The following ARHGAP11A variants were observed in gnomAD, a reference collection of about 807,000 sequenced individuals.
ARHGAP11A encodes rho GTPase-activating protein 11A.
Under a neutral mutation model 60.5 loss-of-function variants are expected in ARHGAP11A, and 36 were observed. The observed-to-expected ratio is 0.59, with a 90% CI of 0.46 to 0.79. ARHGAP11A has a LOEUF of 0.79. ARHGAP11A is among the 30% of genes least tolerant of loss of function. ARHGAP11A has a pLI of 0.00. For synonymous variants in ARHGAP11A, 362 were observed against 415.5 expected (o/e 0.87, Z 1.57); for missense variants, 1,071 against 1,199.2 (o/e 0.89, Z 1.58).
Position 32,635,871 on chromosome 15 carries a change from G to A in ARHGAP11A, c.1439G>A (p.Gly480Asp), listed in dbSNP as rs759353935. 3 of 1,610,834 alleles carry A rather than the reference G, an allele frequency of 1.9e-6. No individual in the cohort carries two copies. The highest frequency in any genetic ancestry group is 3.4e-5 in the Admixed American group (2 of 59,168). The change falls in exon 11 of 12, where the codon GGT becomes GAT. Residue 480 changes from glycine to aspartate, a missense_variant. By Grantham distance (94) the Gly-to-Asp change is moderately conservative. Transcript: ENST00000361627. Reference protein sequence around the residue: ...LKNRIESVKTGLLFSPDVDEK... With the variant: ...LKNRIESVKTDLLFSPDVDEK... ...AATCGAATTGAATCTGTAAAAACAG[G>A]TTTGCTTTTTAGCCCAGATGTTGAT... is the stretch of plus-strand genomic sequence containing the variant.
intron 2 of ARHGAP11A, 25 bp downstream of exon 2, chr15:32,620,203 G>T: frequency 6.3e-7 from 1 of 1,596,290 alleles, no homozygotes; most frequent in Non-Finnish European, 8.5e-7. Context: ...AAATGAAGAA[G>T]GCCGGGTGCA....
chr15:32,635,870 G>A lies in ARHGAP11A; in HGVS notation c.1438G>A (p.Gly480Ser), dbSNP rs375068104. 1.9e-6 allele frequency: 3 copies of A among 1,610,788 alleles called. No homozygotes were observed. In the African/African-American group the frequency reaches 4.0e-5, roughly 22 times the overall value. Residue 480 changes from glycine (G) to serine (S), a missense_variant, in exon 11 of 12, where the codon GGT becomes AGT. This residue lies in a region of ARHGAP11A where 776 missense variants were observed against 760.2 expected (regional missense o/e 1.02). Transcript: ENST00000361627. ...AAATCGAATTGAATCTGTAAAAACA[G>A]GTTTGCTTTTTAGCCCAGATGTTGA... Reference protein sequence around the residue: ...LKNRIESVKTGLLFSPDVDEK... With the variant: ...LKNRIESVKTSLLFSPDVDEK...
In ARHGAP11A at chr15:32,636,766, G is replaced by A. The variant is rs1468824480; in HGVS notation, c.1993G>A (p.Gly665Ser). 3.1e-6 allele frequency: 5 copies of A among 1,611,766 alleles called. No homozygotes were observed. The African/African-American group carries it at 5.3e-5, about 17-fold the overall frequency. ...KEKYEHHTGK[G>S]EKCFSERDFS... ...GAAATATGAACACCACACTGGTAAAGGTGAAAAATGTTTTTCAGAGAGGGA... is the reference window on the plus strand; with the variant it reads ...GAAATATGAACACCACACTGGTAAAAGTGAAAAATGTTTTTCAGAGAGGGA... Residue 665 changes from glycine to serine, a missense_variant, in exon 12 of 12, where the codon GGT (glycine) becomes AGT (serine). Coordinates refer to ENST00000361627, the MANE Select transcript of ARHGAP11A (RefSeq NM_014783.6).
chr15:32,616,699 A>G (rs1360871143), intron 1 of ARHGAP11A, among the ~76,000 whole-genome samples: 25 of 152,246 alleles, frequency 1.6e-4, no homozygotes, highest in South Asian at 2.1e-4. Flanking sequence ...CAGTTGTGAC[A>G]ATTAAAAATG....
rs1185359414 is a variant in ARHGAP11A at position 32,636,557 on chromosome 15, CTT to C, written c.1786_1787del (p.Leu596GlyfsTer9). 10 of 1,614,046 alleles carry C rather than the reference CTT, an allele frequency of 6.2e-6. No homozygotes were observed. Among genetic ancestry groups the C allele is most frequent in the Non-Finnish European group, 8.5e-6 (10 of 1,179,960 alleles). ...GATGAAAATAACATGACCAAAGAGA[CTT>C]TGGTGAAAGTTCAAAAAGCGTTTTC... On this transcript the variant is annotated frameshift_variant, in exon 12 of 12. Coordinates refer to ENST00000361627, the MANE Select transcript of ARHGAP11A (RefSeq NM_014783.6). LOFTEE classifies it low-confidence loss of function (END_TRUNC).
chr15:32,616,685 C>T (rs149633807), intron 1 of ARHGAP11A, among the ~76,000 whole-genome samples: 3 of 152,258 alleles, frequency 2.0e-5, no homozygotes, highest in Non-Finnish European at 2.9e-5. Flanking sequence ...CTGGTAGCAT[C>T]TCTCAGTTGT....
chr15:32,633,324 A>G (rs1177704253), intron 9 of ARHGAP11A, among the ~76,000 whole-genome samples: 2 of 152,116 alleles, frequency 1.3e-5, no homozygotes, highest in Non-Finnish European at 1.5e-5. Context: ...ATCCTATTTT[A>G]TGTTGATGGT....
chr15:32,625,025 A>G (rs937157529), intron 4 of ARHGAP11A, 55 bp from the exon 5 acceptor site: 5 of 1,572,194 alleles, frequency 3.2e-6, no homozygotes, highest in Admixed American at 1.7e-5. Context: ...CGTTATTTTA[A>G]CTCTTCTGTA....
At chr15:32,621,687 T>G (rs2053313143) in intron 2 of ARHGAP11A, among the ~76,000 whole-genome samples, 1 of 152,308 alleles carries the variant, frequency 6.6e-6, no homozygotes, top group Non-Finnish European at 1.5e-5. Context: ...TAGCTGAGTG[T>G]GGTAGCACGC....
At position 32,623,606 on chromosome 15, in the gene ARHGAP11A, C is replaced by A; in HGVS notation, c.297+18C>A. 1 of 1,600,798 alleles carries A rather than the reference C, an allele frequency of 6.2e-7. No individual in the cohort carries two copies. ...CACTAAAGGTGAGCATATTGTTGAA[C>A]TATTAATTTTTCATTTGAGCCATTT... On this transcript the variant is annotated intron_variant, in intron 3 of 11. Coordinates refer to ENST00000361627, the MANE Select transcript of ARHGAP11A (RefSeq NM_014783.6).
At chr15:32,634,890 T>C (rs2053670322) in intron 10 of ARHGAP11A, among the ~76,000 whole-genome samples, 1 of 152,216 alleles carries the variant, frequency 6.6e-6, no homozygotes, top group African/African-American at 2.4e-5. Context: ...CTATTACTAC[T>C]TTTCCCACTT....
chr15:32,627,541 A>G (rs1443408405), intron 6 of ARHGAP11A, among the ~76,000 whole-genome samples: 1 of 151,920 alleles, frequency 6.6e-6, no homozygotes, highest in Non-Finnish European at 1.5e-5. Flanking sequence ...CATCCTAGCT[A>G]ACACAGTGAA....
chr15:32,618,404 A>AT (rs2053212655), intron 1 of ARHGAP11A, among the ~76,000 whole-genome samples: 1 of 152,234 alleles, frequency 6.6e-6, no homozygotes, highest in African/African-American at 2.4e-5. Context: ...TACCCAATAA[A>AT]GGGGTTGCCC....
intron 8 of ARHGAP11A, among the ~76,000 whole-genome samples, chr15:32,631,512 C>T (rs1311635906): frequency 6.6e-6 from 1 of 152,146 alleles, no homozygotes; most frequent in Admixed American, 6.5e-5. Context: ...GTTGGCCAGG[C>T]TGGTCTTGAA....
intron 2 of ARHGAP11A, among the ~76,000 whole-genome samples, chr15:32,621,830 A>C (rs1595761340): frequency 6.6e-6 from 1 of 151,930 alleles, no homozygotes; most frequent in Non-Finnish European, 1.5e-5. Flanking sequence ...TCAAAAAAAA[A>C]AAAAAAAAAG....
rs550755670 is a variant in ARHGAP11A at position 32,616,612 on chromosome 15, C to T, written c.129+272C>T. Among the ~76,000 whole-genome samples, 155 of 152,192 alleles carry T rather than the reference C, an allele frequency of 1.0e-3. 1 individual carries two copies. Among genetic ancestry groups the T allele is most frequent in the African/African-American group, 3.6e-3 (148 of 41,508 alleles). ...TTAGATAATTTTTGTTAGGGGAAGACGAAATGCTGTTCTGTGAATTGTGGG... is the reference window on the plus strand; with the variant it reads ...TTAGATAATTTTTGTTAGGGGAAGATGAAATGCTGTTCTGTGAATTGTGGG... On this transcript the variant is annotated intron_variant, in intron 1 of 11. Transcript: ENST00000361627.
intron 1 of ARHGAP11A, among the ~76,000 whole-genome samples, chr15:32,617,889 A>C (rs1355744349): frequency 1.3e-5 from 2 of 152,040 alleles, no homozygotes; most frequent in African/African-American, 4.8e-5. Flanking sequence ...TGATTTCCCT[A>C]AGCTTCAGTT....
intron 10 of ARHGAP11A, among the ~76,000 whole-genome samples, chr15:32,634,772 A>G (rs1486022055): frequency 1.3e-5 from 2 of 152,192 alleles, no homozygotes; most frequent in South Asian, 2.1e-4. Context: ...GCCAAAAACC[A>G]TGGTCAAATC....
chr15:32,637,916 A>T lies in ARHGAP11A; in HGVS notation c.*71A>T. On this transcript the variant is annotated 3_prime_UTR_variant, in exon 12 of 12. Coordinates refer to ENST00000361627, the MANE Select transcript of ARHGAP11A (RefSeq NM_014783.6). ...TGGTATGACTTGCAGGATGATGTACATGTTAGTTTGTAGCTCAGGATGATT... is the reference window on the plus strand; with the variant it reads ...TGGTATGACTTGCAGGATGATGTACTTGTTAGTTTGTAGCTCAGGATGATT... The T allele has an allele frequency of 7.7e-7, 1 of 1,302,680 alleles. No homozygotes were observed. Among genetic ancestry groups the T allele is most frequent in the Non-Finnish European group, 1.0e-6 (1 of 958,276 alleles). The allele number at this position is 1,302,680 out of a possible 1,614,324, so 80.7% of individuals were successfully genotyped here. A position where few individuals can be genotyped will look rare whatever the true frequency, so the allele number is the denominator to read the frequency against.
Sources: allele counts gnomAD v4.1 joint callset (sites outside exome capture counted in the v4.1 genomes callset), GRCh38; gene constraint gnomAD v4.1.1; regional missense constraint gnomAD v4.1.1; transcripts MANE v1.5; gene names NCBI Gene and HGNC (gene_info 2026-07-23, HGNC 2026-07-21).